Variants in PPP2R3A observed in about 807,000 individuals in gnomAD.
PPP2R3A encodes protein phosphatase 2 regulatory subunit B''alpha, also known as serine/threonine-protein phosphatase 2A regulatory subunit B'' subunit alpha.
PPP2R3A carries 80 observed loss-of-function variants against 106.9 expected under a neutral mutation model. The ratio of observed to expected loss-of-function variants is 0.75; its 90% CI spans 0.62 to 0.90. The LOEUF is 0.90. PPP2R3A is among the 40% of genes least tolerant of loss of function. The pLI, the probability that PPP2R3A is intolerant of heterozygous loss-of-function variation, is 0.00. For missense variants in PPP2R3A, 1,386 were observed against 1,350.4 expected, an observed-to-expected ratio of 1.03 and a Z score of -0.41; for synonymous variants, 483 against 468.3, an observed-to-expected ratio of 1.03 and a Z score of -0.41.
intron 7 of PPP2R3A, among the ~76,000 whole-genome samples, chr3:136,081,899 A>T (rs1936792273): frequency 6.6e-6 from 1 of 152,222 alleles, no homozygotes; most frequent in African/African-American, 2.4e-5. Flanking sequence ...TGCTCACATA[A>T]CTTTGAAAAT....
chr3:136,026,957 A>C lies in PPP2R3A; in HGVS notation c.2121A>C (p.Ile707=). Residue 707 remains isoleucine, a synonymous_variant, in exon 3 of 14, where the codon ATA becomes ATC. Coordinates refer to ENST00000264977, the MANE Select transcript of PPP2R3A (RefSeq NM_002718.5). ...VNNVVNAPLS[I]NIPRFYFPEG... is the part of the protein sequence containing the mutation. The stretch of plus-strand genomic sequence containing the variant: ...ATGTTGTGAATGCGCCATTGTCCAT[A>C]AACATTCCACGGTTCTACTTTCCTG... 2 of 1,613,808 alleles carry C rather than the reference A, an allele frequency of 1.2e-6. No homozygotes were observed.
At chr3:136,044,485 C>T (rs1935402258) in intron 4 of PPP2R3A, among the ~76,000 whole-genome samples, 1 of 148,070 alleles carries the variant, frequency 6.8e-6, no homozygotes, top group Non-Finnish European at 1.5e-5. Context: ...TTGGGAGGAT[C>T]GCTTGAGCCT....
chr3:136,140,455 A>AAAAAAAAAAAAAAC (rs1559943242), intron 13 of PPP2R3A, among the ~76,000 whole-genome samples: 11 of 151,098 alleles, frequency 7.3e-5, no homozygotes, highest in African/African-American at 2.4e-4. Context: ...AAAAAAAAAA[A>AAAAAAAAAAAAAAC]AAAAAAAAAC....
At chr3:136,019,936 G>T (rs1483526285) in intron 2 of PPP2R3A, among the ~76,000 whole-genome samples, 2 of 152,128 alleles carry the variant, frequency 1.3e-5, no homozygotes, top group African/African-American at 2.4e-5. Flanking sequence ...AAACTTAGCA[G>T]ATTTATAGGA....
chr3:135,982,750 A>G (rs930788282), intron 1 of PPP2R3A, among the ~76,000 whole-genome samples: 1 of 152,210 alleles, frequency 6.6e-6, no homozygotes, highest in Middle Eastern at 3.4e-3. Context: ...TGATCTCAGT[A>G]TCATCTTCCC....
chr3:136,033,080 C>T (rs1934962105), intron 3 of PPP2R3A, among the ~76,000 whole-genome samples: 1 of 152,144 alleles, frequency 6.6e-6, no homozygotes, highest in South Asian at 2.1e-4. Context: ...GAGTTTTCAT[C>T]ATAAAGGGAT....
intron 3 of PPP2R3A, among the ~76,000 whole-genome samples, chr3:136,030,772 ATATATATATGTATGTATGTATGTATG>A (rs1271261883): frequency 8.2e-6 from 1 of 121,586 alleles, no homozygotes; most frequent in African/African-American, 4.2e-5. Flanking sequence ...ATATATATAT[ATATATATATGTATGTATGTATGTATG>A]TATGTATGTA....
chr3:135,970,429 C>G (rs185250435), intron 1 of PPP2R3A, among the ~76,000 whole-genome samples: 6 of 152,106 alleles, frequency 3.9e-5, no homozygotes, highest in Non-Finnish European at 7.4e-5. Flanking sequence ...GTAATTTAAA[C>G]AATATTTGGT....
intron 5 of PPP2R3A, among the ~76,000 whole-genome samples, chr3:136,066,695 C>T (rs1300807022): frequency 6.6e-6 from 1 of 151,564 alleles, no homozygotes; most frequent in Non-Finnish European, 1.5e-5. Flanking sequence ...AGTTGCTGCA[C>T]ACTTTTAAAC....
At chr3:136,099,789 A>G (rs1199467228) in intron 10 of PPP2R3A, among the ~76,000 whole-genome samples, 2 of 152,106 alleles carry the variant, frequency 1.3e-5, no homozygotes, top group East Asian at 1.9e-4. Context: ...ATTTTGTTGT[A>G]TATCTGTTTT....
At chr3:135,996,806 G>T (rs993974379) in intron 1 of PPP2R3A, among the ~76,000 whole-genome samples, 3 of 152,060 alleles carry the variant, frequency 2.0e-5, no homozygotes, top group African/African-American at 7.2e-5. Context: ...ATCTATTTCA[G>T]ATTTTCACTA....
intron 13 of PPP2R3A, among the ~76,000 whole-genome samples, chr3:136,125,696 GAAAAC>G (rs1938154487): frequency 6.6e-6 from 1 of 151,828 alleles, no homozygotes; most frequent in Non-Finnish European, 1.5e-5. Flanking sequence ...AAAAAAGAAA[GAAAAC>G]AAAGCAATGT....
At chr3:136,103,187 C>A in intron 11 of PPP2R3A, 71 bp from the exon 12 acceptor site, 2 of 881,470 alleles carry the variant, frequency 2.3e-6, no homozygotes, top group South Asian at 1.8e-5. Flanking sequence ...TTTTAGATGT[C>A]AGGGAAAGTT....
At chr3:136,072,749 T>C (rs956976565) in intron 6 of PPP2R3A, among the ~76,000 whole-genome samples, 5 of 152,220 alleles carry the variant, frequency 3.3e-5, no homozygotes, top group Admixed American at 3.3e-4. Flanking sequence ...TCCAAACTGT[T>C]GGAATTAAAC....
At chr3:135,972,037 A>G (rs187143961) in intron 1 of PPP2R3A, among the ~76,000 whole-genome samples, 18 of 152,294 alleles carry the variant, frequency 1.2e-4, no homozygotes, top group African/African-American at 4.3e-4. Context: ...CAGTATGTAC[A>G]TTCACAATGT....
intron 5 of PPP2R3A, among the ~76,000 whole-genome samples, chr3:136,062,319 T>G (rs1234935858): frequency 6.6e-6 from 1 of 152,166 alleles, no homozygotes; most frequent in Non-Finnish European, 1.5e-5. Flanking sequence ...TCAGGATAAC[T>G]GAAGAGCAGC....
At chr3:135,996,884 A>T (rs1174289542) in intron 1 of PPP2R3A, among the ~76,000 whole-genome samples, 1 of 152,168 alleles carries the variant, frequency 6.6e-6, no homozygotes, top group African/African-American at 2.4e-5. Flanking sequence ...TTTCAGTTTC[A>T]CTGAGAAAAA....
At chr3:136,106,525 T>G (rs1937519985) in intron 13 of PPP2R3A, 6 of 565,518 alleles carry the variant, frequency 1.1e-5, no homozygotes, top group Non-Finnish European at 1.9e-5. Flanking sequence ...GTCCATTTCC[T>G]TTAATGAGTC....
Position 136,088,062 on chromosome 3 carries a change from T to A in PPP2R3A, c.2837+131T>A, listed in dbSNP as rs143384260. 1,051 of 695,944 alleles carry A rather than the reference T, an allele frequency of 1.5e-3. 17 individuals carry two copies. The East Asian group carries it at 0.024, about 16-fold the overall frequency. 43.1% of individuals were successfully genotyped at this position (695,944 alleles called of 1,614,324 possible). On this transcript the variant is annotated intron_variant, in intron 9 of 13. Transcript: ENST00000264977. ...AATAATATCCTATAAAACATAGTTA[T>A]GGCTTAATACAAGACAGTAATTCTT... is the stretch of plus-strand genomic sequence containing the variant.
Sources: gnomAD v4.1 joint callset for allele counts (sites outside exome capture counted in the v4.1 genomes callset) on GRCh38, gnomAD v4.1.1 for gene constraint, MANE v1.5 for transcripts, NCBI Gene and HGNC (gene_info 2026-07-23, HGNC 2026-07-21) for gene names.